The following THSD7B variants were observed in gnomAD, a reference collection of about 807,000 sequenced individuals.
The protein encoded by THSD7B is thrombospondin type-1 domain-containing protein 7B.
THSD7B carries 138 observed loss-of-function variants against 213.6 expected under a neutral mutation model. The observed-to-expected ratio is 0.65, with a 90% CI of 0.56 to 0.74. The LOEUF is 0.74. THSD7B is among the 30% of genes least tolerant of loss of function. The pLI is 0.00. For synonymous variants in THSD7B, 742 were observed against 687.0 expected (o/e 1.08, Z -1.25); for missense variants, 1,931 against 1,991.5 (o/e 0.97, Z 0.58).
chr2:137,444,727 G>C (rs1437807026), intron 14 of THSD7B, among the ~76,000 whole-genome samples: 1 of 151,832 alleles, frequency 6.6e-6, no homozygotes, highest in Non-Finnish European at 1.5e-5. Flanking sequence ...TCTTGAATGA[G>C]ACCTCAAAAG....
Position 137,294,900 on chromosome 2 carries a change from T to G in THSD7B, c.2500+18874T>G, listed in dbSNP as rs533178337. On this transcript the variant is annotated intron_variant, in intron 12 of 27. Transcript: ENST00000409968. The stretch of plus-strand genomic sequence containing the variant: ...ATTAGGAAAATCAATGCCTTGATGC[T>G]TATCTTTTCTTGTATTCACAGAATT... Among the ~76,000 whole-genome samples, 7 of 152,258 alleles carry G rather than the reference T, an allele frequency of 4.6e-5. No homozygotes were observed. The South Asian group carries it at 1.0e-3, about 23-fold the overall frequency.
rs560071604 is a variant in THSD7B at position 137,440,829 on chromosome 2, C to A, written c.2960-10016C>A. Reference sequence around the variant, plus strand: ...ATTCAGGTCAGAGTTTCTTTAGGAACCCTGGGAGATAAAGAAAAAAGAAGA... The same window carrying A: ...ATTCAGGTCAGAGTTTCTTTAGGAAACCTGGGAGATAAAGAAAAAAGAAGA... On this transcript the variant is annotated intron_variant, in intron 14 of 27. Coordinates refer to ENST00000409968, the MANE Select transcript of THSD7B (RefSeq NM_001316349.2). 5.3e-5 allele frequency among the ~76,000 whole-genome samples: 8 copies of A among 152,114 alleles called. No individual in the cohort carries two copies. The South Asian group carries it at 1.7e-3, about 32-fold the overall frequency.
intron 15 of THSD7B, among the ~76,000 whole-genome samples, chr2:137,547,223 C>A (rs947010788): frequency 4.6e-5 from 7 of 152,014 alleles, no homozygotes; most frequent in Admixed American, 4.6e-4. Context: ...GCTGTGCCAT[C>A]CTTGGTTATA....
intron 2 of THSD7B, among the ~76,000 whole-genome samples, chr2:137,023,627 A>G (rs13411376): frequency 0.069 from 10,521 of 152,230 alleles, 400 homozygotes; most frequent in East Asian, 0.15. Flanking sequence ...ACTCTTTTTC[A>G]GTAGTTTTAC....
At chr2:137,297,878 CTCTT>C (rs1185702605) in intron 12 of THSD7B, among the ~76,000 whole-genome samples, 7 of 152,106 alleles carry the variant, frequency 4.6e-5, no homozygotes, top group African/African-American at 1.7e-4. Context: ...CCAATTAAAC[CTCTT>C]TCTTTTGTAA....
chr2:137,209,503 G>A (rs914686830), intron 7 of THSD7B, among the ~76,000 whole-genome samples: 3 of 152,020 alleles, frequency 2.0e-5, no homozygotes, highest in Non-Finnish European at 4.4e-5. Flanking sequence ...TGTTTACCTG[G>A]AAATAATGTA....
At chr2:137,652,862 T>C (rs1353860145) in intron 21 of THSD7B, among the ~76,000 whole-genome samples, 1 of 152,136 alleles carries the variant, frequency 6.6e-6, no homozygotes, top group African/African-American at 2.4e-5. Flanking sequence ...GCCCCCGACA[T>C]TTTGACTTTC....
At chr2:137,227,849 A>T (rs1681545463) in intron 7 of THSD7B, among the ~76,000 whole-genome samples, 1 of 152,164 alleles carries the variant, frequency 6.6e-6, no homozygotes. Flanking sequence ...TAGATTTCAG[A>T]TGAAGACCAT....
At chr2:137,346,773 A>G (rs1684885244) in intron 12 of THSD7B, among the ~76,000 whole-genome samples, 1 of 151,680 alleles carries the variant, frequency 6.6e-6, no homozygotes, top group Non-Finnish European at 1.5e-5. Flanking sequence ...GAACTATGCA[A>G]TTATTTTATG....
At chr2:137,482,039 G>A (rs764063741) in intron 15 of THSD7B, among the ~76,000 whole-genome samples, 1 of 152,068 alleles carries the variant, frequency 6.6e-6, no homozygotes, top group Non-Finnish European at 1.5e-5. Context: ...TTAGCTGGGC[G>A]TGGTGGCAGA....
At chr2:136,907,147 G>C (rs1476281924) in intron 2 of THSD7B, among the ~76,000 whole-genome samples, 1 of 151,702 alleles carries the variant, frequency 6.6e-6, no homozygotes, top group Non-Finnish European at 1.5e-5. Flanking sequence ...ATTTCGCCTT[G>C]TTTGCCAGGC....
intron 17 of THSD7B, among the ~76,000 whole-genome samples, chr2:137,606,276 C>A (rs1292396280): frequency 6.6e-6 from 1 of 152,142 alleles, no homozygotes; most frequent in African/African-American, 2.4e-5. Context: ...CCCAGAACAA[C>A]AATGTGACTA....
At position 137,601,353 on chromosome 2, in the gene THSD7B, C is replaced by T. The variant is rs932574327; in HGVS notation, c.3424-14822C>T. Among the ~76,000 whole-genome samples the T allele has an allele frequency of 2.6e-5, 4 of 152,226 alleles. No individual in the cohort carries two copies. The South Asian group carries it at 8.3e-4, about 32-fold the overall frequency. ...TGCTAAGTGACCTATAGAGGTGTAC[C>T]ATTTTTTAAATCTTTTATACCATAT... is the stretch of plus-strand genomic sequence containing the variant. On this transcript the variant is annotated intron_variant, in intron 17 of 27. Coordinates refer to ENST00000409968, the MANE Select transcript of THSD7B (RefSeq NM_001316349.2).
intron 12 of THSD7B, among the ~76,000 whole-genome samples, chr2:137,385,893 A>G (rs998263677): frequency 3.9e-5 from 6 of 152,202 alleles, no homozygotes; most frequent in South Asian, 2.1e-4. Flanking sequence ...TAAAATTTCA[A>G]TTATAACCTT....
intron 12 of THSD7B, among the ~76,000 whole-genome samples, chr2:137,286,079 G>T (rs1294553294): frequency 1.3e-5 from 2 of 150,336 alleles, no homozygotes; most frequent in African/African-American, 2.5e-5. Flanking sequence ...ACACCAGCCT[G>T]GTGAGAGAGA....
intron 5 of THSD7B, among the ~76,000 whole-genome samples, chr2:137,141,787 C>A (rs1679592466): frequency 6.6e-6 from 1 of 152,028 alleles, no homozygotes; most frequent in African/African-American, 2.4e-5. Context: ...TGATAAAACA[C>A]TCCTTCCCTG....
chr2:137,310,121 C>T (rs1246886408), intron 12 of THSD7B, among the ~76,000 whole-genome samples: 12 of 151,972 alleles, frequency 7.9e-5, no homozygotes, highest in South Asian at 2.1e-4. Flanking sequence ...ACAGTCCCAC[C>T]AACAGTGTAA....
chr2:136,788,825 T>C (rs1285991112), intron 1 of THSD7B, among the ~76,000 whole-genome samples: 1 of 152,158 alleles, frequency 6.6e-6, no homozygotes, highest in Non-Finnish European at 1.5e-5. Context: ...AATTAAGAAT[T>C]AGAGGCATGT....
At chr2:137,395,686 T>A (rs147807006) in intron 12 of THSD7B, among the ~76,000 whole-genome samples, 8,125 of 152,206 alleles carry the variant, frequency 0.053, 662 homozygotes, top group African/African-American at 0.18. Flanking sequence ...ATACAATGAG[T>A]TAGGGAGGAT....
Sources: allele counts gnomAD v4.1 joint callset (sites outside exome capture counted in the v4.1 genomes callset), GRCh38; gene constraint gnomAD v4.1.1; transcripts MANE v1.5; gene names NCBI Gene and HGNC (gene_info 2026-07-23, HGNC 2026-07-21).